SSBP3: variants seen among roughly 807,000 people sequenced by gnomAD.
SSBP3 encodes single-stranded DNA-binding protein 3.
A neutral mutation model predicts 69.6 loss-of-function variants in SSBP3; 5 were observed. The ratio of observed to expected loss-of-function variants is 0.07; its 90% CI spans 0.04 to 0.15. The LOEUF is 0.15. SSBP3 is among the 10% of genes least tolerant of loss of function. The pLI is 1.00. For missense variants in SSBP3, 312 were observed against 534.0 expected, an observed-to-expected ratio of 0.58 and a Z score of 4.10; for synonymous variants, 196 against 193.4, an observed-to-expected ratio of 1.01 and a Z score of -0.11.
upstream of SSBP3, among the ~76,000 whole-genome samples, chr1:54,406,743 G>A (rs1345492361): frequency 6.6e-6 from 1 of 151,978 alleles, no homozygotes; most frequent in Non-Finnish European, 1.5e-5. Flanking sequence ...TGGGGGGCTA[G>A]GGGGGCGCTG....
upstream of SSBP3, chr1:54,406,532 GC>G (rs1490021679): frequency 2.6e-5 from 4 of 151,940 alleles, no homozygotes; most frequent in Non-Finnish European, 4.4e-5. Flanking sequence ...CCCTGACAGC[GC>G]CGGCCGCGGC....
At chr1:54,240,420 T>G (rs1408707104) in intron 13 of SSBP3, among the ~76,000 whole-genome samples, 6 of 129,802 alleles carry the variant, frequency 4.6e-5, no homozygotes, top group Non-Finnish European at 7.8e-5. Context: ...ATTACGCCAT[T>G]GCACTCCAGC....
chr1:54,323,067 CTTT>C (rs1163604525), intron 4 of SSBP3, among the ~76,000 whole-genome samples: 1 of 152,158 alleles, frequency 6.6e-6, no homozygotes, highest in Non-Finnish European at 1.5e-5. Flanking sequence ...GCAGAAGAAC[CTTT>C]TTGAGTTATT....
intron 4 of SSBP3, among the ~76,000 whole-genome samples, chr1:54,348,247 C>CGGGGGGGGGGGGGG (rs34214298): frequency 1.0e-4 from 4 of 39,330 alleles, no homozygotes; most frequent in Admixed American, 3.0e-4. Context: ...GCATGGGGGG[C>CGGGGGGGGGGGGGG]GGGGGGGGGG....
chr1:54,379,866 G>A (rs933267388), intron 4 of SSBP3, among the ~76,000 whole-genome samples: 2 of 152,172 alleles, frequency 1.3e-5, no homozygotes, highest in Admixed American at 6.5e-5. Context: ...CAAGAACACG[G>A]CGCATCAAGT....
intron 5 of SSBP3, among the ~76,000 whole-genome samples, chr1:54,275,099 G>A (rs1007836244): frequency 6.6e-6 from 1 of 152,186 alleles, no homozygotes; most frequent in Non-Finnish European, 1.5e-5. Flanking sequence ...CCCTCCACCA[G>A]ACTATGAGCC....
chr1:54,408,684 A>G (rs1649913794), upstream of SSBP3, among the ~76,000 whole-genome samples: 1 of 152,218 alleles, frequency 6.6e-6, no homozygotes, highest in Non-Finnish European at 1.5e-5. Context: ...GAAGATATAC[A>G]GTATCTCTTG....
chr1:54,331,808 C>G (rs1257692351), intron 4 of SSBP3, among the ~76,000 whole-genome samples: 1 of 152,202 alleles, frequency 6.6e-6, no homozygotes, highest in Non-Finnish European at 1.5e-5. Context: ...GCCCCAACTG[C>G]CCGCCAGCAC....
chr1:54,240,103 TGCGTGCGCGCGCGCGC>T (rs1349972611), intron 13 of SSBP3, among the ~76,000 whole-genome samples: 2 of 22,158 alleles, frequency 9.0e-5, no homozygotes, highest in African/African-American at 1.5e-4. Flanking sequence ...CGCGCGCGTG[TGCGTGCGCGCGCGCGC>T]GCAACACATG....
At chr1:54,288,401 G>A (rs920509503) in intron 4 of SSBP3, among the ~76,000 whole-genome samples, 12 of 152,148 alleles carry the variant, frequency 7.9e-5, no homozygotes, top group Non-Finnish European at 1.5e-4. Context: ...AAAGGGCCAC[G>A]TATAGACAAC....
intron 4 of SSBP3, among the ~76,000 whole-genome samples, chr1:54,364,882 C>T (rs1347159644): frequency 6.6e-6 from 1 of 152,176 alleles, no homozygotes; most frequent in Non-Finnish European, 1.5e-5. Flanking sequence ...ACAACTCTGC[C>T]CGTGAATAGT....
chr1:54,230,641 G>C (rs1190882431), intron 14 of SSBP3, among the ~76,000 whole-genome samples: 1 of 152,076 alleles, frequency 6.6e-6, no homozygotes. Context: ...CATAACCTCA[G>C]AAAGAAATCC....
intron 4 of SSBP3, among the ~76,000 whole-genome samples, chr1:54,400,330 C>G (rs1333146994): frequency 7.5e-6 from 1 of 132,886 alleles, no homozygotes; most frequent in Non-Finnish European, 1.6e-5. Flanking sequence ...ACATAGCAGT[C>G]AAAAACTAGC....
rs1258363229 is a variant in SSBP3 at position 54,232,949 on chromosome 1, C to T, written c.928-4123G>A. On this transcript the variant is annotated intron_variant, in intron 14 of 17. Coordinates refer to ENST00000610401, the Ensembl canonical transcript of SSBP3. ...CTCGCTACAACCTCCACCTCCCAGCCGCCTGCCTTGGCCTCCCAAAGTGCC... is the reference window on the plus strand; with the variant it reads ...CTCGCTACAACCTCCACCTCCCAGCTGCCTGCCTTGGCCTCCCAAAGTGCC... Among the ~76,000 whole-genome samples the T allele has an allele frequency of 2.6e-5, 4 of 152,266 alleles. No homozygotes were observed. The South Asian group carries it at 6.2e-4, about 24-fold the overall frequency.
intron 5 of SSBP3, among the ~76,000 whole-genome samples, chr1:54,263,397 G>C (rs968485991): frequency 6.6e-6 from 1 of 152,134 alleles, no homozygotes; most frequent in South Asian, 2.1e-4. Flanking sequence ...CAGCTCCTCC[G>C]GTTCATTCGG....
chr1:54,318,093 A>G (rs540649839), intron 4 of SSBP3, among the ~76,000 whole-genome samples: 1 of 152,210 alleles, frequency 6.6e-6, no homozygotes, highest in South Asian at 2.1e-4. Flanking sequence ...TATGCCATCT[A>G]CCTCATCTCC....
chr1:54,394,382 G>GC (rs1041539600), intron 4 of SSBP3, among the ~76,000 whole-genome samples: 2 of 139,958 alleles, frequency 1.4e-5, no homozygotes, highest in Admixed American at 7.3e-5. Flanking sequence ...TCCCCCCACT[G>GC]CCCCCCCAAC....
chr1:54,234,891 G>C (rs1205914717), intron 14 of SSBP3, among the ~76,000 whole-genome samples: 1 of 152,096 alleles, frequency 6.6e-6, no homozygotes, highest in Admixed American at 6.5e-5. Flanking sequence ...AGCCTCCCGA[G>C]TAGCTGACTA....
rs749251278 is a variant in SSBP3 at position 54,228,434 on chromosome 1, C to G, written c.1035+15G>C. On this transcript the variant is annotated intron_variant, in intron 16 of 17. Transcript: ENST00000610401. ...ACAGATGGGGCGCCGCCAGGGAGAC[C>G]GAGTGCACACTCACTTTTGGAAGTC... 1.2e-6 allele frequency: 2 copies of G among 1,614,056 alleles called. No homozygotes were observed. Among genetic ancestry groups the G allele is most frequent in the African/African-American group, 1.3e-5 (1 of 74,926 alleles).
Sources: allele counts gnomAD v4.1 joint callset (sites outside exome capture counted in the v4.1 genomes callset), GRCh38; gene constraint gnomAD v4.1.1; transcripts MANE v1.5; gene names NCBI Gene and HGNC (gene_info 2026-07-23, HGNC 2026-07-21).